Variants in DISC1 observed in about 807,000 individuals in gnomAD.
DISC1 encodes DISC1 scaffold protein.
DISC1 carries 57 observed loss-of-function variants against 84.5 expected under a neutral mutation model. The observed-to-expected ratio is 0.67, with a 90% CI of 0.55 to 0.84. The LOEUF (loss-of-function observed/expected upper bound fraction) is 0.84. Ranked by LOEUF, DISC1 falls within the 40% of genes least tolerant of loss-of-function variation. DISC1 has a pLI of 0.00. For synonymous variants in DISC1, 411 were observed against 415.2 expected (o/e 0.99, Z 0.12); for missense variants, 1,000 against 1,057.8 (o/e 0.95, Z 0.76).
At chr1:232,003,653 T>C (rs1049318341) in intron 10 of DISC1, among the ~76,000 whole-genome samples, 22 of 152,106 alleles carry the variant, frequency 1.4e-4, no homozygotes, top group African/African-American at 5.3e-4. Context: ...TTTGGACATA[T>C]ATGGAAAATT....
chr1:231,735,328 A>G (rs1271772172), intron 3 of DISC1, among the ~76,000 whole-genome samples: 3 of 152,138 alleles, frequency 2.0e-5, no homozygotes, highest in Admixed American at 2.0e-4. Context: ...TTACTTAACC[A>G]TTCCCCTAGA....
At chr1:232,022,192 C>T (rs201482306) in intron 11 of DISC1, among the ~76,000 whole-genome samples, 1 of 152,124 alleles carries the variant, frequency 6.6e-6, no homozygotes. Context: ...TATGACCACA[C>T]CTACACTCTG....
chr1:231,942,826 C>G (rs1191723614), intron 9 of DISC1, among the ~76,000 whole-genome samples: 1 of 152,212 alleles, frequency 6.6e-6, no homozygotes, highest in Admixed American at 6.5e-5. Context: ...CGGGCATTGC[C>G]TCCTTCCTGC....
intron 1 of DISC1, among the ~76,000 whole-genome samples, chr1:231,667,036 G>A (rs552648445): frequency 2.8e-4 from 43 of 152,262 alleles, no homozygotes; most frequent in African/African-American, 1.0e-3. Flanking sequence ...AAACCAGCTG[G>A]CTTCCCTGCT....
intron 6 of DISC1, among the ~76,000 whole-genome samples, chr1:231,779,680 C>T (rs759852895): frequency 7.9e-5 from 12 of 151,694 alleles, no homozygotes; most frequent in South Asian, 2.1e-4. Context: ...CTGCCTCAGC[C>T]GCCGGAGTAG....
At chr1:231,705,833 A>T (rs1427819755) in intron 3 of DISC1, among the ~76,000 whole-genome samples, 1 of 152,150 alleles carries the variant, frequency 6.6e-6, no homozygotes, top group Admixed American at 6.5e-5. Context: ...GCAGCTGTGC[A>T]GCCCTGTTCT....
intron 9 of DISC1, among the ~76,000 whole-genome samples, chr1:231,944,269 T>C (rs2091494423): frequency 6.6e-6 from 1 of 151,668 alleles, no homozygotes; most frequent in Admixed American, 6.6e-5. Flanking sequence ...GGGGCTTGGA[T>C]GCACTGCCCA....
chr1:231,779,702 GGCACC>G lies in DISC1; in HGVS notation c.1634+8634_1634+8638del, dbSNP rs113900035. 2.9e-3 allele frequency among the ~76,000 whole-genome samples: 445 copies of G among 152,070 alleles called. 4 individuals carry two copies. Among genetic ancestry groups the G allele is most frequent in the African/African-American group, 0.01 (421 of 41,472 alleles). The stretch of plus-strand genomic sequence containing the variant: ...AGCCGCCGGAGTAGCTGGGACTACA[GGCACC>G]GGCCACCACGCCCGGCTAATTTTTT... On this transcript the variant is annotated intron_variant, in intron 6 of 12. Coordinates refer to ENST00000439617, the MANE Select transcript of DISC1 (RefSeq NM_018662.3).
At chr1:231,699,267 T>C (rs1462880222) in intron 2 of DISC1, among the ~76,000 whole-genome samples, 1 of 151,986 alleles carries the variant, frequency 6.6e-6, no homozygotes, top group Non-Finnish European at 1.5e-5. Context: ...CAGTGGAAAA[T>C]CAAGTCAGTG....
At chr1:231,752,693 C>G (rs1049244570) in intron 4 of DISC1, among the ~76,000 whole-genome samples, 2 of 152,192 alleles carry the variant, frequency 1.3e-5, no homozygotes, top group Non-Finnish European at 2.9e-5. Flanking sequence ...TAACTCATTT[C>G]CAGCATTAAC....
intron 3 of DISC1, among the ~76,000 whole-genome samples, chr1:231,727,823 T>C (rs916440165): frequency 9.9e-5 from 15 of 152,016 alleles, no homozygotes; most frequent in African/African-American, 3.1e-4. Flanking sequence ...TGGTGGGTCA[T>C]GCCTTGCAAT....
intron 9 of DISC1, among the ~76,000 whole-genome samples, chr1:231,957,642 T>G (rs1659748336): frequency 1.3e-5 from 2 of 152,230 alleles, no homozygotes; most frequent in African/African-American, 4.8e-5. Flanking sequence ...GTTTGTGTGT[T>G]AGACCAGCAT....
chr1:231,781,971 C>T (rs745483789), intron 6 of DISC1, among the ~76,000 whole-genome samples: 3 of 152,142 alleles, frequency 2.0e-5, no homozygotes, highest in Non-Finnish European at 4.4e-5. Flanking sequence ...ACACCTTTTT[C>T]GAGCTGTGGA....
intron 8 of DISC1, 144 bp from the exon 9 acceptor site, chr1:231,818,185 G>A (rs2081218276): frequency 3.5e-6 from 3 of 849,808 alleles, no homozygotes; most frequent in African/African-American, 1.7e-5. Flanking sequence ...TTTCCCCAGA[G>A]GACTGCTAAG....
rs760922941 is a variant in DISC1, at chr1:231,941,810, C to A, written c.1982-17018C>A. On this transcript the variant is annotated intron_variant, in intron 9 of 12. Coordinates refer to ENST00000439617, the MANE Select transcript of DISC1 (RefSeq NM_018662.3). ...TAATGGGAAAGACAAAAATAAAAAA[C>A]AAAAAATATATAATTGTTAAAAGGA... 2.5e-3 allele frequency among the ~76,000 whole-genome samples: 377 copies of A among 152,146 alleles called. 2 individuals are homozygous for A. Among genetic ancestry groups the A allele is most frequent in the Non-Finnish European group, 2.8e-3 (190 of 67,992 alleles).
chr1:232,030,683 G>A (rs973177648), intron 12 of DISC1, among the ~76,000 whole-genome samples: 2 of 152,162 alleles, frequency 1.3e-5, no homozygotes, highest in South Asian at 2.1e-4. Context: ...AAATTTTAGC[G>A]TGAACAGACA....
At chr1:231,860,932 A>G (rs1222212762) in intron 9 of DISC1, among the ~76,000 whole-genome samples, 1 of 152,246 alleles carries the variant, frequency 6.6e-6, no homozygotes, top group Non-Finnish European at 1.5e-5. Flanking sequence ...GCAGAATTGC[A>G]GACTGCATTT....
chr1:231,873,848 A>AT (rs57512366), intron 9 of DISC1, among the ~76,000 whole-genome samples: 59,564 of 150,250 alleles, frequency 0.4, 11,912 homozygotes, highest in East Asian at 0.51. Context: ...ATCTTAAATA[A>AT]TTTTTTTTTT....
chr1:232,034,016 T>C (rs868084576), intron 12 of DISC1, among the ~76,000 whole-genome samples: 1 of 152,182 alleles, frequency 6.6e-6, no homozygotes, highest in Admixed American at 6.5e-5. Flanking sequence ...CTGCATTTTT[T>C]TTTCTGGGGA....
Sources: allele counts gnomAD v4.1 joint callset (sites outside exome capture counted in the v4.1 genomes callset), GRCh38; gene constraint gnomAD v4.1.1; transcripts MANE v1.5; gene names NCBI Gene and HGNC (gene_info 2026-07-23, HGNC 2026-07-21).